Variants in TMC2 observed in about 807,000 individuals in gnomAD.
The protein encoded by TMC2 is transmembrane channel like 2.
Under a neutral mutation model 105.9 loss-of-function variants are expected in TMC2, and 102 were observed. The observed-to-expected ratio is 0.96, with a 90% CI of 0.82 to 1.14. The LOEUF (loss-of-function observed/expected upper bound fraction) is 1.14. Among genes scored for constraint, TMC2 ranks in the 50% most tolerant of loss-of-function variants. The pLI is 0.00. For synonymous variants in TMC2, 402 were observed against 422.8 expected (o/e 0.95, Z 0.60); for missense variants, 1,093 against 1,134.3 (o/e 0.96, Z 0.52).
In TMC2 at chr20:2,596,704, G is replaced by GAA. The variant is rs200728202; in HGVS notation, c.1077-441_1077-440dup. ...TCAGTGTGTTTTGCATTTTATATCA[G>GAA]AAAAAAATATATATGTGTGTGTGTG... On this transcript the variant is annotated intron_variant, in intron 9 of 19. Transcript: ENST00000358864. Among the ~76,000 whole-genome samples the GAA allele has an allele frequency of 4.6e-4, 57 of 124,270 alleles. No individual in the cohort carries two copies. The East Asian group carries it at 0.012, about 26-fold the overall frequency. The allele number at this position is 124,270 out of a possible 152,430, so 81.5% of individuals were successfully genotyped here.
chr20:2,630,738 G>C (rs919292046), intron 17 of TMC2, among the ~76,000 whole-genome samples: 1 of 152,206 alleles, frequency 6.6e-6, no homozygotes, highest in Non-Finnish European at 1.5e-5. Flanking sequence ...GTGGAGGATT[G>C]CTTGAACTGA....
chr20:2,617,447 A>G, intron 16 of TMC2, 136 bp downstream of exon 16: 1 of 1,163,406 alleles, frequency 8.6e-7, no homozygotes, highest in Non-Finnish European at 1.2e-6. Context: ...CACCGATGCC[A>G]TTTAAGAGGG....
At chr20:2,573,661 C>T (rs1483513140) in intron 5 of TMC2, among the ~76,000 whole-genome samples, 4 of 149,904 alleles carry the variant, frequency 2.7e-5, no homozygotes, top group East Asian at 2.0e-4. Context: ...CCCGGGTTCA[C>T]GCCATTCTCC....
intron 5 of TMC2, among the ~76,000 whole-genome samples, chr20:2,572,654 G>A (rs879592631): frequency 6.6e-6 from 1 of 152,166 alleles, no homozygotes; most frequent in Non-Finnish European, 1.5e-5. Flanking sequence ...GTCCCCAGAC[G>A]GATGGGGGCA....
intron 4 of TMC2, among the ~76,000 whole-genome samples, chr20:2,562,631 C>T (rs2086035436): frequency 6.6e-6 from 1 of 152,206 alleles, no homozygotes; most frequent in South Asian, 2.1e-4. Context: ...ATGCACGGAG[C>T]ATTTGATGAT....
rs1265307056 is a variant in TMC2 at position 2,616,628 on chromosome 20, C to T, written c.1940+424C>T. Among the ~76,000 whole-genome samples the T allele has an allele frequency of 1.3e-5, 2 of 152,138 alleles. No homozygotes were observed. Among genetic ancestry groups the T allele is most frequent in the East Asian group, 1.9e-4 (1 of 5,192 alleles). Reference sequence around the variant, plus strand: ...GAAGGTAAATGAACTATGGAACTCCCTCTTCTGAAAAGGGAGTTCAAGGAG... The same window carrying T: ...GAAGGTAAATGAACTATGGAACTCCTTCTTCTGAAAAGGGAGTTCAAGGAG... On this transcript the variant is annotated intron_variant, in intron 15 of 19. Coordinates refer to ENST00000358864, the MANE Select transcript of TMC2 (RefSeq NM_080751.3). The surrounding 1 kb of genome is among the most constrained non-coding windows in gnomAD (Gnocchi z 4.8).
At chr20:2,590,186 T>C (rs187384045) in intron 7 of TMC2, among the ~76,000 whole-genome samples, 5 of 152,322 alleles carry the variant, frequency 3.3e-5, no homozygotes, top group Admixed American at 2.6e-4. Context: ...TGATTCCATT[T>C]TACAGGCAAA....
At chr20:2,549,614 G>A (rs1386808262) in intron 2 of TMC2, among the ~76,000 whole-genome samples, 2 of 151,824 alleles carry the variant, frequency 1.3e-5, no homozygotes, top group Non-Finnish European at 2.9e-5. Context: ...ATGGTGGCGT[G>A]TGCCTGTAAT....
At chr20:2,629,559 A>T (rs2086588871) in intron 17 of TMC2, among the ~76,000 whole-genome samples, 1 of 142,540 alleles carries the variant, frequency 7.0e-6, no homozygotes, top group Non-Finnish European at 1.5e-5. Context: ...TGACCTCAAA[A>T]GGTGGTGGTG....
intron 19 of TMC2, among the ~76,000 whole-genome samples, chr20:2,639,612 T>C (rs1379182676): frequency 1.3e-5 from 2 of 152,228 alleles, no homozygotes; most frequent in Non-Finnish European, 2.9e-5. Flanking sequence ...TTTCTCAGAA[T>C]GTATCCGCAT....
In TMC2 at chr20:2,538,878, CG is replaced by C. The variant is rs566654113; in HGVS notation, c.82+1565del. 1.2e-3 allele frequency among the ~76,000 whole-genome samples: 188 copies of C among 152,292 alleles called. No individual in the cohort carries two copies. In the South Asian group the frequency reaches 0.013, roughly 11 times the overall value. ...AAATCTCCTCTGGAGTCACCTGCGA[CG>C]GGACCTGATATTCTCATCCTTCCCT... On this transcript the variant is annotated intron_variant, in intron 2 of 19. Transcript: ENST00000358864.
At chr20:2,546,969 T>C (rs915730704) in intron 2 of TMC2, among the ~76,000 whole-genome samples, 13 of 152,188 alleles carry the variant, frequency 8.5e-5, no homozygotes. Context: ...ATAGATAATG[T>C]ACACTATATC....
chr20:2,617,419 A>G (rs1471092534), intron 16 of TMC2, 108 bp downstream of exon 16: 4 of 1,451,144 alleles, frequency 2.8e-6, no homozygotes, highest in East Asian at 2.3e-5. Flanking sequence ...GTAAAAGGCC[A>G]TGGAACTTTG....
chr20:2,560,216 C>T (rs1203572190), intron 3 of TMC2, among the ~76,000 whole-genome samples: 2 of 151,352 alleles, frequency 1.3e-5, no homozygotes, highest in South Asian at 2.1e-4. Context: ...GAACACCCTA[C>T]GCAGAGACTC....
rs934419847 is a variant in TMC2 at position 2,612,105 on chromosome 20, G to A, written c.1594-86G>A. ...GCAGAAGCTAGATGGTAGGGTTGTG[G>A]CATTTGCTGGCTTTCACTGTTCTTA... On this transcript the variant is annotated intron_variant, in intron 12 of 19. Transcript: ENST00000358864. The A allele has an allele frequency of 1.5e-5, 20 of 1,348,304 alleles. No homozygotes were observed. The East Asian group carries it at 4.8e-4, about 32-fold the overall frequency. 83.5% of individuals were successfully genotyped at this position (1,348,304 alleles called of 1,614,324 possible).
At chr20:2,564,339 A>G (rs933674658) in intron 4 of TMC2, among the ~76,000 whole-genome samples, 1 of 151,990 alleles carries the variant, frequency 6.6e-6, no homozygotes, top group East Asian at 1.9e-4. Context: ...TTTAGTACAG[A>G]CGGGGTTTCA....
intron 5 of TMC2, 60 bp downstream of exon 5, chr20:2,572,329 G>T (rs867067399): frequency 7.2e-7 from 1 of 1,381,782 alleles, no homozygotes; most frequent in South Asian, 1.2e-5. Context: ...GGAATCTGGC[G>T]ACCAACTTCG....
chr20:2,574,283 T>G (rs577951690), intron 5 of TMC2, among the ~76,000 whole-genome samples: 1 of 152,244 alleles, frequency 6.6e-6, no homozygotes, highest in Non-Finnish European at 1.5e-5. Context: ...CGATATTTTA[T>G]TTATGATTTT....
In TMC2 at chr20:2,556,883, G is replaced by T. The variant is rs372846238; in HGVS notation, c.83-1573G>T. ...GAATTCTGTCCTTTTTTTTTTTTCCGTCAGCACTTTAAATATATCACTCTA... is the reference window on the plus strand; with the variant it reads ...GAATTCTGTCCTTTTTTTTTTTTCCTTCAGCACTTTAAATATATCACTCTA... On this transcript the variant is annotated intron_variant, in intron 2 of 19. Coordinates refer to ENST00000358864, the MANE Select transcript of TMC2 (RefSeq NM_080751.3). Among the ~76,000 whole-genome samples, 222 of 134,556 alleles carry T rather than the reference G, an allele frequency of 1.6e-3. 3 individuals are homozygous for T. The highest frequency in any genetic ancestry group is 5.5e-3 in the African/African-American group (198 of 35,896). 88.3% of individuals were successfully genotyped at this position (134,556 alleles called of 152,430 possible). A position where few individuals can be genotyped will look rare whatever the true frequency, so the allele number is the denominator to read the frequency against.
Sources: allele counts gnomAD v4.1 joint callset (sites outside exome capture counted in the v4.1 genomes callset), GRCh38; gene constraint gnomAD v4.1.1; non-coding constraint Gnocchi (gnomAD v3.1); transcripts MANE v1.5; gene names NCBI Gene and HGNC (gene_info 2026-07-23, HGNC 2026-07-21).